The following PCBP3 variants were observed in gnomAD, a reference collection of about 807,000 sequenced individuals.
PCBP3 encodes poly(rC) binding protein 3.
A neutral mutation model predicts 52.7 loss-of-function variants in PCBP3; 25 were observed. The observed-to-expected ratio is 0.47, with a 90% CI of 0.35 to 0.66. The LOEUF is 0.66. Among genes scored for constraint, PCBP3 ranks in the 30% least tolerant of loss-of-function variants. The pLI, the probability that PCBP3 is intolerant of heterozygous loss-of-function variation, is 0.01. For missense variants in PCBP3, 391 were observed against 490.3 expected (o/e 0.80, Z 1.91); for synonymous variants, 162 against 183.0 (o/e 0.89, Z 0.93).
chr21:45,923,003 G>C (rs1315258107), intron 13 of PCBP3, among the ~76,000 whole-genome samples: 1 of 152,256 alleles, frequency 6.6e-6, no homozygotes, highest in East Asian at 1.9e-4. Context: ...CCAGGGATGG[G>C]AGGCACGACC....
At chr21:45,889,081 G>A (rs17004501) in intron 5 of PCBP3, among the ~76,000 whole-genome samples, 190 of 152,286 alleles carry the variant, frequency 1.2e-3, no homozygotes, top group African/African-American at 4.1e-3. Context: ...TTTCGTTCTG[G>A]CCCGTGCACT....
At chr21:45,744,849 A>T (rs1203244510) in intron 3 of PCBP3, among the ~76,000 whole-genome samples, 1 of 152,142 alleles carries the variant, frequency 6.6e-6, no homozygotes, top group Non-Finnish European at 1.5e-5. Flanking sequence ...AATTTAAAAG[A>T]TTAATTTCTT....
intron 3 of PCBP3, among the ~76,000 whole-genome samples, chr21:45,740,109 C>T (rs2146004940): frequency 6.8e-6 from 1 of 147,216 alleles, no homozygotes; most frequent in African/African-American, 2.5e-5. Context: ...GCGTCTATGC[C>T]TCAGAGTTAA....
At chr21:45,664,690 T>C (rs2080664941) in intron 1 of PCBP3, among the ~76,000 whole-genome samples, 1 of 151,578 alleles carries the variant, frequency 6.6e-6, no homozygotes, top group African/African-American at 2.4e-5. Flanking sequence ...TATGTATACA[T>C]GTGCCATGCT....
intron 2 of PCBP3, among the ~76,000 whole-genome samples, chr21:45,697,180 T>C (rs891535022): frequency 6.6e-6 from 1 of 152,170 alleles, no homozygotes; most frequent in African/African-American, 2.4e-5. Flanking sequence ...CCAAATGATA[T>C]CTATAAGAAA....
chr21:45,868,863 G>C (rs2094876524), intron 5 of PCBP3, among the ~76,000 whole-genome samples: 1 of 152,210 alleles, frequency 6.6e-6, no homozygotes, highest in African/African-American at 2.4e-5. Flanking sequence ...AGCCCCGCAG[G>C]ACGTGGGGTT....
intron 4 of PCBP3, among the ~76,000 whole-genome samples, chr21:45,789,278 A>G (rs961272441): frequency 6.6e-6 from 1 of 152,078 alleles, no homozygotes; most frequent in Admixed American, 6.5e-5. Flanking sequence ...TATGTGTGTG[A>G]TTGTGCACGT....
At chr21:45,720,186 A>G (rs772635622) in intron 2 of PCBP3, among the ~76,000 whole-genome samples, 12 of 152,140 alleles carry the variant, frequency 7.9e-5, no homozygotes, top group Non-Finnish European at 1.3e-4. Flanking sequence ...TGTCATCTAC[A>G]TCAGGTATTT....
chr21:45,721,544 A>AC (rs1484413971), intron 2 of PCBP3, among the ~76,000 whole-genome samples: 1 of 152,090 alleles, frequency 6.6e-6, no homozygotes, highest in African/African-American at 2.4e-5. Flanking sequence ...ACAGCTCCTG[A>AC]CCCCAATTTA....
At chr21:45,937,196 G>A (rs1207231903) in intron 16 of PCBP3, among the ~76,000 whole-genome samples, 3 of 152,366 alleles carry the variant, frequency 2.0e-5, no homozygotes, top group East Asian at 1.9e-4. Flanking sequence ...CTGCCTCAGC[G>A]TTCCTGCAGA....
chr21:45,916,217 C>G (rs1285691933), intron 12 of PCBP3: 1 of 152,284 alleles, frequency 6.6e-6, no homozygotes, highest in East Asian at 1.9e-4. Flanking sequence ...TGGGGCTGAC[C>G]TGGGACCCCG....
At position 45,817,110 on chromosome 21, in the gene PCBP3, G is replaced by A. The variant is rs1214554687; in HGVS notation, c.-125-32851G>A. Among the ~76,000 whole-genome samples, 1 of 152,200 alleles carries A rather than the reference G, an allele frequency of 6.6e-6. No individual in the cohort carries two copies. The highest frequency in any genetic ancestry group is 1.5e-5 in the Non-Finnish European group (1 of 68,034). ...TGCTACGCTGTTAAGAATTTGGGGT[G>A]TTGTGTTTGTTGTTTTTGGTTTTTA... On this transcript the variant is annotated intron_variant, in intron 4 of 17. Coordinates refer to ENST00000681687, the MANE Select transcript of PCBP3 (RefSeq NM_001384156.1). This position sits in a 1 kb window ranked among gnomAD's most constrained non-coding sequence, Gnocchi z 4.3.
At chr21:45,835,744 C>G (rs2093570272) in intron 4 of PCBP3, among the ~76,000 whole-genome samples, 2 of 152,164 alleles carry the variant, frequency 1.3e-5, no homozygotes, top group African/African-American at 4.8e-5. Context: ...TTCTCCTGAG[C>G]CATTTTCATC....
intron 4 of PCBP3, among the ~76,000 whole-genome samples, chr21:45,768,007 T>C (rs972222704): frequency 4.6e-5 from 7 of 152,270 alleles, no homozygotes; most frequent in African/African-American, 1.7e-4. Context: ...TTAGGACCAG[T>C]GTCACTACCC....
chr21:45,699,612 G>A (rs889025971), intron 2 of PCBP3, among the ~76,000 whole-genome samples: 2 of 152,222 alleles, frequency 1.3e-5, no homozygotes, highest in Non-Finnish European at 2.9e-5. Context: ...ACAAAAGGAA[G>A]AGGTTTAATT....
At chr21:45,750,245 C>T (rs912403069) in intron 3 of PCBP3, 3 of 152,308 alleles carry the variant, frequency 2.0e-5, no homozygotes, top group African/African-American at 7.2e-5. Context: ...TGCAAGAAGC[C>T]CCTGGAAGAC....
intron 5 of PCBP3, among the ~76,000 whole-genome samples, chr21:45,892,963 G>A (rs1486605531): frequency 6.6e-6 from 1 of 152,074 alleles, no homozygotes; most frequent in African/African-American, 2.4e-5. Context: ...CCTGGGGAGG[G>A]GAGGGAGTGC....
chr21:45,834,315 C>T (rs749194733), intron 4 of PCBP3, among the ~76,000 whole-genome samples: 26 of 152,294 alleles, frequency 1.7e-4, no homozygotes, highest in Middle Eastern at 6.8e-3. Flanking sequence ...GACCAGGGCG[C>T]GTGTTAGAGC....
chr21:45,896,263 C>T lies in PCBP3; in HGVS notation c.66C>T (p.Ser22=). ...CTCACAGCACCCTCAGCACCTTAAG[C>T]CACCACCCTCAGCCACAATTTGGCA... The part of the protein sequence containing the change: ...VLPHSTLSTL[S]HHPQPQFGRR... The change falls in exon 6 of 18, where the codon AGC becomes AGT. Residue 22 remains serine (S), a synonymous_variant. Coordinates refer to ENST00000681687, the MANE Select transcript of PCBP3 (RefSeq NM_001384156.1). The T allele has an allele frequency of 1.3e-6, 2 of 1,552,184 alleles. No individual in the cohort carries two copies. Among genetic ancestry groups the T allele is most frequent in the Non-Finnish European group, 1.7e-6 (2 of 1,147,082 alleles).
Sources: allele counts gnomAD v4.1 joint callset (sites outside exome capture counted in the v4.1 genomes callset), GRCh38; gene constraint gnomAD v4.1.1; non-coding constraint Gnocchi (gnomAD v3.1); transcripts MANE v1.5; gene names NCBI Gene and HGNC (gene_info 2026-07-23, HGNC 2026-07-21).